The following ERC1 variants were observed in gnomAD, a reference collection of about 807,000 sequenced individuals.
The protein encoded by ERC1 is RAB6 interacting protein 2.
Under a neutral mutation model 132.0 loss-of-function variants are expected in ERC1, and 56 were observed. The ratio of observed to expected loss-of-function variants is 0.42; its 90% CI spans 0.34 to 0.53. The LOEUF (loss-of-function observed/expected upper bound fraction) is 0.53, where lower values mean the gene tolerates loss of function less well. ERC1 is among the 20% of genes least tolerant of loss of function. The pLI, the probability that ERC1 is intolerant of heterozygous loss-of-function variation, is 0.03. For synonymous variants in ERC1, 478 were observed against 476.1 expected (o/e 1.00, Z -0.05); for missense variants, 1,202 against 1,349.9 (o/e 0.89, Z 1.72).
At chr12:1,065,464 T>C (rs1938938724) in intron 2 of ERC1, among the ~76,000 whole-genome samples, 1 of 148,076 alleles carries the variant, frequency 6.8e-6, no homozygotes, top group African/African-American at 2.5e-5. Flanking sequence ...ATTGTTTTCC[T>C]ATTTCTTTGT....
chr12:1,129,219 C>T (rs1169119984), intron 7 of ERC1, among the ~76,000 whole-genome samples: 1 of 152,112 alleles, frequency 6.6e-6, no homozygotes, highest in African/African-American at 2.4e-5. Flanking sequence ...TGGCTCACGC[C>T]TGTAATCCTA....
chr12:1,202,157 GGA>G (rs1054418774), intron 12 of ERC1, among the ~76,000 whole-genome samples: 1 of 152,102 alleles, frequency 6.6e-6, no homozygotes, highest in Non-Finnish European at 1.5e-5. Context: ...TCCTTTAAAA[GGA>G]GAGTAAGTTA....
chr12:1,284,265 C>CGTGTGTGTGTGTGT (rs71055142), intron 14 of ERC1, among the ~76,000 whole-genome samples: 43 of 140,190 alleles, frequency 3.1e-4, no homozygotes, highest in East Asian at 1.5e-3. Flanking sequence ...GAATAGTATT[C>CGTGTGTGTGTGTGT]GTGTGTGTGT....
At chr12:1,098,923 A>G (rs908153447) in intron 3 of ERC1, among the ~76,000 whole-genome samples, 39 of 152,232 alleles carry the variant, frequency 2.6e-4, no homozygotes, top group African/African-American at 9.4e-4. Flanking sequence ...TGTGAAGGAA[A>G]CAGAGAAAGT....
At chr12:1,353,028 C>CTTTTTTTTTTT (rs547540688) in intron 15 of ERC1, among the ~76,000 whole-genome samples, 11 of 123,006 alleles carry the variant, frequency 8.9e-5, no homozygotes, top group South Asian at 2.6e-4. Context: ...CTTTTCTTTT[C>CTTTTTTTTTTT]TTTTTTTTTT....
chr12:1,110,935 C>G (rs917922900), intron 5 of ERC1, among the ~76,000 whole-genome samples: 1 of 152,056 alleles, frequency 6.6e-6, no homozygotes, highest in Admixed American at 6.6e-5. Flanking sequence ...AACTCCTGAC[C>G]TCAGGTGATC....
chr12:1,347,852 G>T (rs933348807), intron 15 of ERC1, among the ~76,000 whole-genome samples: 1 of 152,106 alleles, frequency 6.6e-6, no homozygotes, highest in Non-Finnish European at 1.5e-5. Context: ...GGGTGGTGGC[G>T]CATGCCTATA....
intron 7 of ERC1, among the ~76,000 whole-genome samples, chr12:1,133,991 G>T (rs554496320): frequency 2.0e-5 from 3 of 152,178 alleles, no homozygotes; most frequent in Non-Finnish European, 4.4e-5. Context: ...TTGCTTGTCT[G>T]GTGAGTTTGG....
chr12:1,042,573 A>C (rs1181942988), intron 2 of ERC1, among the ~76,000 whole-genome samples: 1 of 142,838 alleles, frequency 7.0e-6, no homozygotes, highest in African/African-American at 2.6e-5. Context: ...CCTGAACCCA[A>C]GTGATCCACC....
At chr12:1,017,962 C>G (rs1252122691) in intron 1 of ERC1, among the ~76,000 whole-genome samples, 1 of 152,114 alleles carries the variant, frequency 6.6e-6, no homozygotes, top group East Asian at 1.9e-4. Flanking sequence ...TGTGATTGCT[C>G]TGTGTGTATG....
chr12:1,358,502 G>GT lies in ERC1; in HGVS notation c.2781-13329dup, dbSNP rs199896389. Among the ~76,000 whole-genome samples, 925 of 152,304 alleles carry GT rather than the reference G, an allele frequency of 6.1e-3. 4 individuals carry two copies. Among genetic ancestry groups the GT allele is most frequent in the African/African-American group, 0.021 (863 of 41,568 alleles). On this transcript the variant is annotated intron_variant, in intron 15 of 18. Coordinates refer to ENST00000360905, the MANE Select transcript of ERC1 (RefSeq NM_178040.4). ...AATCAGAGGTATGTAATACCTTAATGTTGGTCTTTTAAATCAGCTCGTCTT... is the reference window on the plus strand; with the variant it reads ...AATCAGAGGTATGTAATACCTTAATGTTTGGTCTTTTAAATCAGCTCGTCTT...
At chr12:1,451,975 C>T (rs1462114784) in intron 18 of ERC1, among the ~76,000 whole-genome samples, 1 of 152,170 alleles carries the variant, frequency 6.6e-6, no homozygotes, top group Non-Finnish European at 1.5e-5. Flanking sequence ...AAGGGCAAAG[C>T]AAGAAGGTGG....
Position 1,481,228 on chromosome 12 carries a change from C to A in ERC1, c.3214-8865C>A, listed in dbSNP as rs1443049716. On this transcript the variant is annotated intron_variant, in intron 18 of 18. Coordinates refer to ENST00000360905, the MANE Select transcript of ERC1 (RefSeq NM_178040.4). Reference sequence around the variant, plus strand: ...AAGGGAAACCATGGACAAGGGGGCGCCGCCGTATTTTAGTATAAGGAGGTT... The same window carrying A: ...AAGGGAAACCATGGACAAGGGGGCGACGCCGTATTTTAGTATAAGGAGGTT... 3.3e-5 allele frequency among the ~76,000 whole-genome samples: 5 copies of A among 152,234 alleles called. No homozygotes were observed. In the East Asian group the frequency reaches 9.6e-4, roughly 29 times the overall value.
At position 1,490,935 on chromosome 12, in the gene ERC1, G is replaced by C. The variant is rs73037322; in HGVS notation, c.*705G>C. 1.1e-4 allele frequency: 25 copies of C among 232,702 alleles called. No individual in the cohort carries two copies. Among genetic ancestry groups the C allele is most frequent in the Non-Finnish European group, 2.0e-4 (23 of 117,752 alleles). The allele number at this position is 232,702 out of a possible 1,614,324, so 14.4% of individuals were successfully genotyped here. A position where few individuals can be genotyped will look rare whatever the true frequency, so the allele number is the denominator to read the frequency against. On this transcript the variant is annotated 3_prime_UTR_variant, in exon 19 of 19. Transcript: ENST00000360905. ...TTCCTCGGCCAGTTAACAAGAAGAT[G>C]GTGTGAGGTGTTCTCCACCAGTCTC...
At chr12:1,047,349 T>C (rs1010605420) in intron 2 of ERC1, among the ~76,000 whole-genome samples, 6 of 152,156 alleles carry the variant, frequency 3.9e-5, no homozygotes, top group African/African-American at 1.2e-4. Context: ...TAATTAAAAA[T>C]TGTTAAATGG....
intron 18 of ERC1, among the ~76,000 whole-genome samples, chr12:1,487,517 C>G (rs2094242560): frequency 8.0e-6 from 1 of 125,336 alleles, no homozygotes; most frequent in Non-Finnish European, 1.7e-5. Context: ...CCAGCCTGGG[C>G]AACATAGTTA....
intron 17 of ERC1, among the ~76,000 whole-genome samples, chr12:1,413,927 C>CGTGGAAG (rs2091977569): frequency 1.3e-5 from 2 of 152,182 alleles, no homozygotes; most frequent in Non-Finnish European, 2.9e-5. Flanking sequence ...ACAGTTTTTC[C>CGTGGAAG]ACAACGGGGG....
At position 1,142,483 on chromosome 12, in the gene ERC1, T is replaced by G. The variant is rs796228761; in HGVS notation, c.1737+696T>G. Among the ~76,000 whole-genome samples, 3 of 152,308 alleles carry G rather than the reference T, an allele frequency of 2.0e-5. No homozygotes were observed. In the South Asian group the frequency reaches 6.2e-4, roughly 32 times the overall value. On this transcript the variant is annotated intron_variant, in intron 8 of 18. Transcript: ENST00000360905. ...TATACATATGTCAAGTCAAGTATAT[T>G]TCTAGGATAAAGTCCTTAAAGTTGA...
chr12:1,170,908 A>C (rs1952986403), intron 8 of ERC1, among the ~76,000 whole-genome samples: 1 of 152,372 alleles, frequency 6.6e-6, no homozygotes, highest in African/African-American at 2.4e-5. Flanking sequence ...AAGATAAAAT[A>C]TAGTAGTATT....
Sources: gnomAD v4.1 joint callset for allele counts (sites outside exome capture counted in the v4.1 genomes callset) on GRCh38, gnomAD v4.1.1 for gene constraint, MANE v1.5 for transcripts, NCBI Gene and HGNC (gene_info 2026-07-23, HGNC 2026-07-21) for gene names.